Variants in ABCA9 observed in about 807,000 individuals in gnomAD.
The protein encoded by ABCA9 is ATP-binding cassette sub-family A member 9.
In ABCA9, 183 loss-of-function variants were observed where a neutral mutation model predicts 205.3. The ratio of observed to expected loss-of-function variants is 0.89; its 90% CI spans 0.79 to 1.01. The LOEUF is 1.01. Ranked by LOEUF, ABCA9 falls within the 50% of genes least tolerant of loss-of-function variation. ABCA9 has a pLI of 0.00. For synonymous variants in ABCA9, 651 were observed against 683.3 expected (o/e 0.95, Z 0.74); for missense variants, 1,805 against 1,912.4 (o/e 0.94, Z 1.05).
chr17:68,978,605 C>A (rs988921748), intron 37 of ABCA9, among the ~76,000 whole-genome samples: 1 of 152,148 alleles, frequency 6.6e-6, no homozygotes, highest in Non-Finnish European at 1.5e-5. Context: ...GTGGCTGGTA[C>A]CGGTTGTTCC....
the ABCA9 span, among the ~76,000 whole-genome samples, chr17:69,069,275 G>C: frequency 6.6e-6 from 1 of 152,198 alleles, no homozygotes; most frequent in Non-Finnish European, 1.5e-5. Flanking sequence ...GAAATCACTA[G>C]AGCCAGAAAT....
chr17:69,049,284 T>C lies in ABCA9; in HGVS notation c.303A>G (p.Lys101=). 1 of 1,609,308 alleles carries C rather than the reference T, an allele frequency of 6.2e-7. No individual in the cohort carries two copies. The highest frequency in any genetic ancestry group is 8.5e-7 in the Non-Finnish European group (1 of 1,176,898). The part of the protein sequence containing the change: ...MNKVASAPFL[K]GRTIMGWPDE... ...ACTATGAACAACCAGGGAACATACC[T>C]TTTAGGAATGGGGCTGAAGCCACTT... Residue 101 remains lysine (K), a splice_region_variant and synonymous_variant, in exon 3 of 39, where the codon AAA becomes AAG. Transcript: ENST00000340001.
chr17:69,045,151 T>C (rs1437117827), intron 4 of ABCA9, 21 bp downstream of exon 4: 1 of 1,607,572 alleles, frequency 6.2e-7, no homozygotes. Flanking sequence ...AAAAAAAATT[T>C]TTTTCTTCTT....
chr17:69,010,824 G>A lies in ABCA9; in HGVS notation c.3147+1152C>T, dbSNP rs915211263. 3.9e-5 allele frequency among the ~76,000 whole-genome samples: 6 copies of A among 152,120 alleles called. No homozygotes were observed. In the East Asian group the frequency reaches 7.7e-4, roughly 20 times the overall value. On this transcript the variant is annotated intron_variant, in intron 23 of 38. Transcript: ENST00000340001. The stretch of plus-strand genomic sequence containing the variant: ...GGAGATAAAGAGACAACGATAATGC[G>A]AAAATTTTATGCTAGAGCAACTGTA...
chr17:69,052,344 C>T (rs1355125112), intron 1 of ABCA9, among the ~76,000 whole-genome samples: 1 of 152,140 alleles, frequency 6.6e-6, no homozygotes, highest in Non-Finnish European at 1.5e-5. Context: ...TACTGTACTA[C>T]AGCCTGGGTG....
intron 37 of ABCA9, among the ~76,000 whole-genome samples, chr17:68,981,320 T>A (rs550912121): frequency 3.3e-5 from 5 of 151,654 alleles, no homozygotes; most frequent in Middle Eastern, 3.4e-3. Context: ...GTTAAGTATG[T>A]GATGTGAAAA....
intron 30 of ABCA9, among the ~76,000 whole-genome samples, chr17:68,989,319 A>G (rs1483416811): frequency 6.6e-6 from 1 of 150,474 alleles, no homozygotes; most frequent in Non-Finnish European, 1.5e-5. Context: ...AACTAGCTTC[A>G]TTTTACAGGT....
At chr17:69,037,308 A>G (rs370060018) in intron 6 of ABCA9, among the ~76,000 whole-genome samples, 14 of 152,230 alleles carry the variant, frequency 9.2e-5, no homozygotes, top group East Asian at 1.9e-4. Context: ...CGACTACATA[A>G]TCGGAAGTAA....
intron 36 of ABCA9, 43 bp from the exon 37 acceptor site, chr17:68,982,684 T>C (rs1172228149): frequency 7.3e-6 from 11 of 1,496,810 alleles, no homozygotes; most frequent in Non-Finnish European, 9.3e-6. Flanking sequence ...GGTGTCAAGG[T>C]TGAAACCCCG....
intron 35 of ABCA9, 28 bp from the exon 36 acceptor site, chr17:68,983,877 G>A: frequency 6.2e-7 from 1 of 1,613,834 alleles, no homozygotes; most frequent in Non-Finnish European, 8.5e-7. Flanking sequence ...ATAAAGTCAA[G>A]CAAGAAAAGA....
the ABCA9 span, among the ~76,000 whole-genome samples, chr17:69,072,125 G>A: frequency 2.0e-5 from 3 of 152,294 alleles, no homozygotes; most frequent in African/African-American, 7.2e-5. Context: ...TTTTATTGGT[G>A]TACCTGAAAG....
chr17:68,981,212 T>C (rs910947381), intron 37 of ABCA9, among the ~76,000 whole-genome samples: 1 of 152,168 alleles, frequency 6.6e-6, no homozygotes, highest in African/African-American at 2.4e-5. Context: ...TTCAGATTTA[T>C]TGACTGTATA....
At chr17:69,044,804 T>A (rs2071657006) in intron 4 of ABCA9, among the ~76,000 whole-genome samples, 1 of 152,212 alleles carries the variant, frequency 6.6e-6, no homozygotes, top group Non-Finnish European at 1.5e-5. Context: ...CTCAATGATT[T>A]TTCATTATAT....
At chr17:69,046,782 TAAG>T (rs2071720304) in intron 3 of ABCA9, among the ~76,000 whole-genome samples, 1 of 149,920 alleles carries the variant, frequency 6.7e-6, no homozygotes, top group Non-Finnish European at 1.5e-5. Flanking sequence ...ATACACATAA[TAAG>T]AAATCTTGAG....
chr17:69,027,493 T>C, intron 13 of ABCA9, 44 bp from the exon 14 acceptor site: 2 of 1,577,164 alleles, frequency 1.3e-6, no homozygotes, highest in Non-Finnish European at 8.6e-7. Context: ...AGAAAGTTTA[T>C]TTTAAAAACA....
intron 37 of ABCA9, among the ~76,000 whole-genome samples, chr17:68,978,212 C>T (rs2068941999): frequency 6.6e-6 from 1 of 152,138 alleles, no homozygotes; most frequent in African/African-American, 2.4e-5. Flanking sequence ...ATCCCTTTAC[C>T]ATTATGTAAT....
chr17:69,017,546 A>G (rs1244013918), intron 21 of ABCA9, 110 bp downstream of exon 21: 1 of 1,191,406 alleles, frequency 8.4e-7, no homozygotes, highest in Non-Finnish European at 1.2e-6. Flanking sequence ...AATGAGAACT[A>G]TCCCATTTGT....
chr17:68,980,027 T>C (rs1047118118), intron 37 of ABCA9, among the ~76,000 whole-genome samples: 1 of 152,208 alleles, frequency 6.6e-6, no homozygotes, highest in South Asian at 2.1e-4. Context: ...ATTTTTGCAA[T>C]CTACTCATCT....
the ABCA9 span, among the ~76,000 whole-genome samples, chr17:69,077,444 T>C: frequency 6.6e-6 from 1 of 152,150 alleles, no homozygotes; most frequent in Non-Finnish European, 1.5e-5. Context: ...AATCTTGGAG[T>C]ATGTTCTGTG....
Sources: gnomAD v4.1 joint callset for allele counts (sites outside exome capture counted in the v4.1 genomes callset) on GRCh38, gnomAD v4.1.1 for gene constraint, MANE v1.5 for transcripts, NCBI Gene and HGNC (gene_info 2026-07-23, HGNC 2026-07-21) for gene names.